MRTFB: variants seen among roughly 807,000 people sequenced by gnomAD.
MRTFB encodes the protein myocardin related transcription factor B.
In MRTFB, 29 loss-of-function variants were observed where a neutral mutation model predicts 104.2. That is an observed-to-expected ratio of 0.28 (90% confidence interval 0.21 to 0.38). The LOEUF (loss-of-function observed/expected upper bound fraction) is 0.38, where lower values mean the gene tolerates loss of function less well. MRTFB is among the 10% of genes least tolerant of loss of function. MRTFB has a pLI of 1.00. For synonymous variants in MRTFB, 535 were observed against 519.5 expected (o/e 1.03, Z -0.41); for missense variants, 1,270 against 1,341.6 (o/e 0.95, Z 0.83).
At chr16:14,253,432 C>T (rs959645578) in intron 15 of MRTFB, among the ~76,000 whole-genome samples, 1 of 152,182 alleles carries the variant, frequency 6.6e-6, no homozygotes, top group African/African-American at 2.4e-5. Flanking sequence ...CTCCCGCTCC[C>T]GTGTTCCATG....
chr16:14,096,962 C>A (rs145234081), intron 2 of MRTFB, among the ~76,000 whole-genome samples: 1 of 152,338 alleles, frequency 6.6e-6, no homozygotes, highest in East Asian at 1.9e-4. Context: ...ACCTCTCATT[C>A]TAGAATTCTA....
intron 3 of MRTFB, among the ~76,000 whole-genome samples, chr16:14,193,160 A>G (rs905434909): frequency 7.7e-6 from 1 of 130,288 alleles, no homozygotes; most frequent in Non-Finnish European, 1.5e-5. Context: ...AGGAGTGATC[A>G]TTGTATTGCG....
chr16:14,210,396 G>T, intron 4 of MRTFB, 88 bp downstream of exon 4: 2 of 970,238 alleles, frequency 2.1e-6, no homozygotes, highest in Non-Finnish European at 3.1e-6. Flanking sequence ...TCTGCTTTCA[G>T]TTGTATCCAT....
the MRTFB span, among the ~76,000 whole-genome samples, chr16:14,030,363 A>G: frequency 7.9e-5 from 12 of 152,138 alleles, no homozygotes; most frequent in African/African-American, 1.9e-4. Context: ...GGAGTCAGAT[A>G]TAGCTGGTTC....
At chr16:14,102,904 G>A (rs1003962925) in intron 2 of MRTFB, among the ~76,000 whole-genome samples, 1 of 152,186 alleles carries the variant, frequency 6.6e-6, no homozygotes, top group Non-Finnish European at 1.5e-5. Context: ...TAGCTTTAAG[G>A]TGAAAGGAGA....
intron 2 of MRTFB, among the ~76,000 whole-genome samples, chr16:14,127,699 C>G (rs1353306593): frequency 6.7e-6 from 1 of 150,368 alleles, no homozygotes; most frequent in East Asian, 1.9e-4. Flanking sequence ...CCAGTGACCA[C>G]TCCATTGCAC....
At chr16:14,051,348 T>G in the MRTFB span, among the ~76,000 whole-genome samples, 148 of 151,238 alleles carry the variant, frequency 9.8e-4, no homozygotes, top group African/African-American at 3.5e-3. Flanking sequence ...CACAGACACA[T>G]GCATACATAC....
At chr16:14,225,804 A>G (rs768598994) in intron 8 of MRTFB, among the ~76,000 whole-genome samples, 1 of 152,202 alleles carries the variant, frequency 6.6e-6, no homozygotes, top group Non-Finnish European at 1.5e-5. Context: ...TATTCTTTAT[A>G]TAGCAAGCTT....
chr16:14,174,563 A>T (rs2039522115), intron 3 of MRTFB, among the ~76,000 whole-genome samples: 1 of 151,972 alleles, frequency 6.6e-6, no homozygotes, highest in African/African-American at 2.4e-5. Context: ...CACACCTGTA[A>T]TCCCAGCTAC....
chr16:14,176,144 A>G (rs958643658), intron 3 of MRTFB, among the ~76,000 whole-genome samples: 4 of 152,248 alleles, frequency 2.6e-5, no homozygotes, highest in African/African-American at 9.6e-5. Context: ...AACCAAAAAT[A>G]TATAACAAGT....
chr16:14,045,807 C>G, the MRTFB span, among the ~76,000 whole-genome samples: 2 of 152,168 alleles, frequency 1.3e-5, no homozygotes. Context: ...TGCTAATAGT[C>G]AAATTGCGGT....
chr16:14,003,640 G>GCCTGCCTGCCTGCCTGCCTGCCTCCCTC, the MRTFB span, among the ~76,000 whole-genome samples: 278 of 146,676 alleles, frequency 1.9e-3, 1 homozygote, highest in African/African-American at 5.8e-3. Flanking sequence ...CTGCCTGCCT[G>GCCTGCCTGCCTGCCTGCCTGCCTCCCTC]CCTCCCTCCC....
chr16:14,165,640 C>G (rs1166095831), intron 3 of MRTFB, among the ~76,000 whole-genome samples: 1 of 152,152 alleles, frequency 6.6e-6, no homozygotes, highest in Non-Finnish European at 1.5e-5. Flanking sequence ...CATGTTCTCA[C>G]TGTCCTCCCC....
chr16:14,254,357 T>C (rs1445433973), intron 15 of MRTFB, among the ~76,000 whole-genome samples: 1 of 152,244 alleles, frequency 6.6e-6, no homozygotes, highest in Non-Finnish European at 1.5e-5. Context: ...AGTCATTCTC[T>C]GGTGGGGAAT....
intron 10 of MRTFB, among the ~76,000 whole-genome samples, chr16:14,244,230 TTTG>T (rs919016363): frequency 4.7e-4 from 71 of 152,246 alleles, no homozygotes; most frequent in African/African-American, 1.4e-3. Flanking sequence ...GCAGTTCATT[TTTG>T]TTGTTGTTGT....
intron 3 of MRTFB, among the ~76,000 whole-genome samples, chr16:14,198,771 T>G (rs1230741253): frequency 6.6e-6 from 1 of 152,214 alleles, no homozygotes; most frequent in African/African-American, 2.4e-5. Flanking sequence ...CTGTAAAGCT[T>G]CTTGCAGCAG....
chr16:14,145,407 T>G (rs201396781), intron 3 of MRTFB, among the ~76,000 whole-genome samples: 1 of 152,174 alleles, frequency 6.6e-6, no homozygotes, highest in East Asian at 1.9e-4. Context: ...TATATAATAG[T>G]TTATAAATAC....
chr16:14,135,550 C>T (rs1442761244), intron 2 of MRTFB, among the ~76,000 whole-genome samples: 4 of 152,104 alleles, frequency 2.6e-5, no homozygotes, highest in Admixed American at 6.5e-5. Context: ...CACTGTGGAG[C>T]GCACAAAACG....
At chr16:14,032,877 A>T in the MRTFB span, among the ~76,000 whole-genome samples, 1 of 152,168 alleles carries the variant, frequency 6.6e-6, no homozygotes, top group Non-Finnish European at 1.5e-5. Flanking sequence ...GCTGGAATAC[A>T]GTGGTGCAAA....
Sources: gnomAD v4.1 joint callset for allele counts (sites outside exome capture counted in the v4.1 genomes callset) on GRCh38, gnomAD v4.1.1 for gene constraint, MANE v1.5 for transcripts, NCBI Gene and HGNC (gene_info 2026-07-23, HGNC 2026-07-21) for gene names.